The following TMEM117 variants were observed in gnomAD, a reference collection of about 807,000 sequenced individuals.
TMEM117 encodes transmembrane protein 117.
Under a neutral mutation model 52.4 loss-of-function variants are expected in TMEM117, and 27 were observed. The ratio of observed to expected loss-of-function variants is 0.51; its 90% CI spans 0.38 to 0.71. TMEM117 has a LOEUF of 0.71. Among genes scored for constraint, TMEM117 ranks in the 30% least tolerant of loss-of-function variants. The pLI, the probability that TMEM117 is intolerant of heterozygous loss-of-function variation, is 0.00. For missense variants in TMEM117, 556 were observed against 630.5 expected (o/e 0.88, Z 1.26); for synonymous variants, 215 against 206.3 (o/e 1.04, Z -0.36).
At chr12:44,031,235 A>G (rs1163958397) in intron 3 of TMEM117, among the ~76,000 whole-genome samples, 1 of 152,174 alleles carries the variant, frequency 6.6e-6, no homozygotes, top group Non-Finnish European at 1.5e-5. Flanking sequence ...AAACTCCTAT[A>G]ATTCTGATAT....
At chr12:44,175,383 G>A (rs1949103992) in intron 4 of TMEM117, among the ~76,000 whole-genome samples, 2 of 152,164 alleles carry the variant, frequency 1.3e-5, no homozygotes, top group Admixed American at 1.3e-4. Flanking sequence ...GTCATTCACT[G>A]AGTGAGGGAG....
the TMEM117 span, chr12:43,796,889 A>G: frequency 7.3e-7 from 1 of 1,361,854 alleles, no homozygotes; most frequent in Non-Finnish European, 1.0e-6. Flanking sequence ...AAATATTTTC[A>G]TTTATAAATC....
intron 6 of TMEM117, among the ~76,000 whole-genome samples, chr12:44,313,039 A>G (rs1353341114): frequency 1.3e-5 from 2 of 152,188 alleles, no homozygotes; most frequent in African/African-American, 4.8e-5. Context: ...TAATTTGCAG[A>G]TATTTTCTCC....
intron 2 of TMEM117, among the ~76,000 whole-genome samples, chr12:43,904,980 C>T (rs1234814912): frequency 6.6e-6 from 1 of 152,108 alleles, no homozygotes; most frequent in African/African-American, 2.4e-5. Flanking sequence ...CCTGTCTCTA[C>T]TAAAAATACA....
intron 3 of TMEM117, among the ~76,000 whole-genome samples, chr12:44,027,955 C>T (rs976487793): frequency 2.6e-5 from 4 of 152,108 alleles, no homozygotes; most frequent in Non-Finnish European, 5.9e-5. Flanking sequence ...CCTGTAATCC[C>T]AGCACTTAGG....
At chr12:43,954,145 A>T (rs1945268833) in intron 3 of TMEM117, among the ~76,000 whole-genome samples, 1 of 152,224 alleles carries the variant, frequency 6.6e-6, no homozygotes, top group Non-Finnish European at 1.5e-5. Context: ...TCTGGGATGC[A>T]GCTAAAGCAG....
chr12:43,852,900 G>A (rs1201170570), intron 2 of TMEM117, among the ~76,000 whole-genome samples: 1 of 152,110 alleles, frequency 6.6e-6, no homozygotes, highest in Non-Finnish European at 1.5e-5. Flanking sequence ...CCACCATAAG[G>A]AGCTGTCAGT....
chr12:44,396,420 T>C, the TMEM117 span, among the ~76,000 whole-genome samples: 1 of 152,142 alleles, frequency 6.6e-6, no homozygotes, highest in Non-Finnish European at 1.5e-5. Flanking sequence ...TATCTGTGTC[T>C]CCTATTAGAT....
intron 5 of TMEM117, among the ~76,000 whole-genome samples, chr12:44,280,719 T>C (rs1182802372): frequency 6.6e-6 from 1 of 152,208 alleles, no homozygotes; most frequent in African/African-American, 2.4e-5. Flanking sequence ...CTGAATTCTC[T>C]GTGCCCTTGC....
At chr12:43,933,495 C>T (rs1944904964) in intron 2 of TMEM117, among the ~76,000 whole-genome samples, 1 of 152,078 alleles carries the variant, frequency 6.6e-6, no homozygotes, top group South Asian at 2.1e-4. Context: ...GCCACTGTGC[C>T]AGCCCAGTAA....
intron 2 of TMEM117, among the ~76,000 whole-genome samples, chr12:43,888,360 T>A (rs889775979): frequency 6.6e-6 from 1 of 152,146 alleles, no homozygotes; most frequent in Non-Finnish European, 1.5e-5. Context: ...AGATATGCCA[T>A]CCATTAGCCA....
At chr12:43,856,126 A>G (rs1943395877) in intron 2 of TMEM117, among the ~76,000 whole-genome samples, 1 of 152,214 alleles carries the variant, frequency 6.6e-6, no homozygotes, top group Non-Finnish European at 1.5e-5. Context: ...TGATTATTTT[A>G]ATAATTGTAT....
At chr12:44,380,629 CAGTAATAATACTT>C (rs936385192) in intron 7 of TMEM117, among the ~76,000 whole-genome samples, 7 of 152,144 alleles carry the variant, frequency 4.6e-5, no homozygotes, top group Non-Finnish European at 1.0e-4. Context: ...TTAATGGGCA[CAGTAATAATACTT>C]ATCCCATAGG....
chr12:43,933,523 T>A (rs925005265), intron 2 of TMEM117, among the ~76,000 whole-genome samples: 3 of 152,018 alleles, frequency 2.0e-5, no homozygotes, highest in African/African-American at 7.2e-5. Context: ...TTTTAACAAT[T>A]GGGAACTATA....
In TMEM117 at chr12:44,135,465, A is replaced by G. The variant is rs182606205; in HGVS notation, c.411-8060A>G. On this transcript the variant is annotated intron_variant, in intron 3 of 7. Coordinates refer to ENST00000266534, the MANE Select transcript of TMEM117 (RefSeq NM_032256.3). ...ATCCAATATAAATTTACATGCTGCA[A>G]TAAGGTTCCTGGGTAAAAAGACAGT... 1.6e-4 allele frequency among the ~76,000 whole-genome samples: 25 copies of G among 152,320 alleles called. No homozygotes were observed. In the East Asian group the frequency reaches 4.2e-3, roughly 26 times the overall value.
At chr12:44,340,799 CAT>C (rs1020542139) in intron 6 of TMEM117, among the ~76,000 whole-genome samples, 10 of 152,070 alleles carry the variant, frequency 6.6e-5, no homozygotes, top group African/African-American at 2.4e-4. Context: ...ACATTGTACA[CAT>C]ATTTTTAATT....
chr12:44,305,513 CA>C (rs75683898), intron 6 of TMEM117, among the ~76,000 whole-genome samples: 3,001 of 132,680 alleles, frequency 0.023, 93 homozygotes, highest in African/African-American at 0.073. Flanking sequence ...AGACACTTCT[CA>C]AAAAAAAAAA....
intron 2 of TMEM117, among the ~76,000 whole-genome samples, chr12:43,862,806 T>C (rs1943512662): frequency 6.6e-6 from 1 of 152,124 alleles, no homozygotes; most frequent in African/African-American, 2.4e-5. Context: ...ACTGAAGGAA[T>C]AGCACATGCA....
intron 2 of TMEM117, among the ~76,000 whole-genome samples, chr12:43,857,313 C>CTTTTT (rs10625731): frequency 1.4e-5 from 2 of 148,140 alleles, no homozygotes; most frequent in Non-Finnish European, 1.5e-5. Flanking sequence ...TTTCTAGGTA[C>CTTTTT]TTTTTTTTTT....
Sources: gnomAD v4.1 joint callset for allele counts (sites outside exome capture counted in the v4.1 genomes callset) on GRCh38, gnomAD v4.1.1 for gene constraint, MANE v1.5 for transcripts, NCBI Gene and HGNC (gene_info 2026-07-23, HGNC 2026-07-21) for gene names.